The following C4orf54 variants were observed in gnomAD, a reference collection of about 807,000 sequenced individuals.
C4orf54 encodes the protein uncharacterized protein C4orf54.
Under a neutral mutation model 80.1 loss-of-function variants are expected in C4orf54, and 67 were observed. The ratio of observed to expected loss-of-function variants is 0.84; its 90% CI spans 0.69 to 1.03. The LOEUF is 1.03. Among genes scored for constraint, C4orf54 ranks in the 50% least tolerant of loss-of-function variants. C4orf54 has a pLI of 0.00. For missense variants in C4orf54, 2,434 were observed against 2,253.5 expected (o/e 1.08, Z -1.62); for synonymous variants, 1,000 against 917.0 (o/e 1.09, Z -1.64).
Position 99,650,250 on chromosome 4 carries a change from A to G in C4orf54, c.4399T>C (p.Cys1467Arg). The change falls in exon 2 of 3, where the codon TGT becomes CGT. Residue 1467 changes from cysteine (C) to arginine (R), a missense_variant. Physicochemically the swap from Cys to Arg is radical, Grantham distance 180 (BLOSUM62 -3). Transcript: ENST00000511828. ...AGAGGGATGGTCAGGTAATTCTCAC[A>G]GTCACTGTTGCTCTTCTCCAAATTG... ...GSNLEKSNSD[C>R]ENYLTIPLKG... The G allele has an allele frequency of 1.3e-6, 2 of 1,536,038 alleles. No individual in the cohort carries two copies. The highest frequency in any genetic ancestry group is 8.7e-7 in the Non-Finnish European group (1 of 1,146,872).
rs1176567280 is a variant in C4orf54 at position 99,640,742 on chromosome 4, G to A, written c.*491C>T. Reference sequence around the variant, plus strand: ...ACCATCATAGTGAAAACTTAAATACGTATTACAACTCAGCCAGCTAGTCTT... The same window carrying A: ...ACCATCATAGTGAAAACTTAAATACATATTACAACTCAGCCAGCTAGTCTT... On this transcript the variant is annotated 3_prime_UTR_variant, in exon 3 of 3. Transcript: ENST00000511828. The A allele has an allele frequency of 2.0e-5, 3 of 152,078 alleles. No homozygotes were observed. Among genetic ancestry groups the A allele is most frequent in the Admixed American group, 6.6e-5 (1 of 15,254 alleles). 9.4% of individuals were successfully genotyped at this position (152,078 alleles called of 1,614,324 possible). A position where few individuals can be genotyped will look rare whatever the true frequency, so the allele number is the denominator to read the frequency against.
intron 1 of C4orf54, among the ~76,000 whole-genome samples, chr4:99,655,536 C>T (rs576521877): frequency 8.5e-5 from 13 of 152,214 alleles, no homozygotes; most frequent in Non-Finnish European, 1.8e-4. Flanking sequence ...GAGTACAGTG[C>T]GGCTTGGAGG....
intron 2 of C4orf54, among the ~76,000 whole-genome samples, chr4:99,643,792 A>ACACAC (rs61130907): frequency 2.9e-4 from 29 of 98,904 alleles, no homozygotes; most frequent in East Asian, 9.2e-4. Context: ...ACACACACAC[A>ACACAC]CCCCCTCCGC....
Position 99,653,713 on chromosome 4 carries a change from A to G in C4orf54, c.936T>C (p.Ser312=). 6.5e-7 allele frequency: 1 copy of G among 1,528,884 alleles called. No homozygotes were observed. The highest frequency in any genetic ancestry group is 8.7e-7 in the Non-Finnish European group (1 of 1,143,316). The allele number at this position is 1,528,884 out of a possible 1,614,324, so 94.7% of individuals were successfully genotyped here. The change falls in exon 2 of 3, where the codon AGT becomes AGC. Residue 312 remains serine (S), a synonymous_variant. Transcript: ENST00000511828. ...CTCCTCCCACGGCCTGGCAACCTTC[A>G]CTTTCACCACTCTCACTCTCGAAGC... is the stretch of plus-strand genomic sequence containing the variant. ...SLGFESESGE[S]EGCQAVGGEG...
Position 99,650,581 on chromosome 4 carries a change from T to C in C4orf54, c.4068A>G (p.Ala1356=). 4 of 1,536,064 alleles carry C rather than the reference T, an allele frequency of 2.6e-6. No homozygotes were observed. Among genetic ancestry groups the C allele is most frequent in the Non-Finnish European group, 3.5e-6 (4 of 1,146,898 alleles). ...NPSAESVSAR[A]AAFENLARER... is the part of the protein sequence containing the mutation. ...CCCTGGCCAGGTTCTCAAAGGCCGC[T>C]GCCCTGGCAGACACACTCTCAGCGC... Residue 1356 remains alanine (A), a synonymous_variant, in exon 2 of 3, where the codon GCA becomes GCG. Transcript: ENST00000511828.
chr4:99,652,349 C>T lies in C4orf54; in HGVS notation c.2300G>A (p.Gly767Glu). 2 of 1,535,994 alleles carry T rather than the reference C, an allele frequency of 1.3e-6. No homozygotes were observed. Among genetic ancestry groups the T allele is most frequent in the Non-Finnish European group, 1.7e-6 (2 of 1,146,850 alleles). The change falls in exon 2 of 3, where the codon GGG becomes GAG. Residue 767 changes from glycine to glutamate, a missense_variant. Physicochemically the swap from Gly to Glu is moderately conservative, Grantham distance 98 (BLOSUM62 -2). Transcript: ENST00000511828. ...RSESKASSAP[G>E]PGRATKGPGK... ...GGGGCCTTTGGTGGCCCTGCCGGGC[C>T]CAGGGGCCGAGCTGGCTTTGCTCTC... is the stretch of plus-strand genomic sequence containing the variant.
At position 99,650,745 on chromosome 4, in the gene C4orf54, C is replaced by T; in HGVS notation, c.3904G>A (p.Val1302Ile). The change falls in exon 2 of 3, where the codon GTA becomes ATA. Residue 1302 changes from valine (V) to isoleucine (I), a missense_variant. Physicochemically the swap from Val to Ile is conservative, Grantham distance 29. Transcript: ENST00000511828. ...TCGTGGTCTCCATCAGCAACCACTA[C>T]CCCTTCCCTCTCCTCACTGGCAATG... ...SLIASEEREG[V>I]VVADGDHDKL... The T allele has an allele frequency of 5.2e-6, 8 of 1,536,178 alleles. No individual in the cohort carries two copies. Among genetic ancestry groups the T allele is most frequent in the Non-Finnish European group, 6.1e-6 (7 of 1,146,920 alleles).
At position 99,652,053 on chromosome 4, in the gene C4orf54, T is replaced by A; in HGVS notation, c.2596A>T (p.Ser866Cys). The change falls in exon 2 of 3, where the codon AGC (serine) becomes TGC (cysteine). Residue 866 changes from serine to cysteine, a missense_variant. By Grantham distance (112) the Ser-to-Cys change is moderately radical. Coordinates refer to ENST00000511828, the MANE Select transcript of C4orf54 (RefSeq NM_001354435.2). ...RQRERGLQRQ[S>C]SRHSEAGSEY... ...GAGCCGGCCTCGGAGTGACGAGAGC[T>A]CTGCCTCTGCAGGCCCCTCTCTCGC... 1.3e-6 allele frequency: 2 copies of A among 1,536,024 alleles called. No individual in the cohort carries two copies. Among genetic ancestry groups the A allele is most frequent in the Non-Finnish European group, 1.7e-6 (2 of 1,146,874 alleles).
chr4:99,652,788 T>A lies in C4orf54; in HGVS notation c.1861A>T (p.Lys621Ter). 1 of 1,536,108 alleles carries A rather than the reference T, an allele frequency of 6.5e-7. No individual in the cohort carries two copies. Among genetic ancestry groups the A allele is most frequent in the Non-Finnish European group, 8.7e-7 (1 of 1,146,906 alleles). Reference sequence around the variant, plus strand: ...CGGGAGGTCAGGTTACGCACCTCTTTGTCCGCATCGTCCAGTTCGCTCACG... The same window carrying A: ...CGGGAGGTCAGGTTACGCACCTCTTAGTCCGCATCGTCCAGTTCGCTCACG... ...SAVSELDDAD[K>*]EVRNLTSRAF... is the part of the protein sequence containing the mutation. The change falls in exon 2 of 3, where the codon AAA becomes TAA. Residue 621 changes from lysine (K) to a stop codon, truncating the protein, a stop_gained. Coordinates refer to ENST00000511828, the MANE Select transcript of C4orf54 (RefSeq NM_001354435.2). LOFTEE classifies it high-confidence loss of function.
chr4:99,648,230 G>A (rs1726733092), intron 2 of C4orf54, among the ~76,000 whole-genome samples: 1 of 152,070 alleles, frequency 6.6e-6, no homozygotes, highest in Non-Finnish European at 1.5e-5. Flanking sequence ...TCATGTGTTT[G>A]ACCTGAAGTG....
At position 99,649,263 on chromosome 4, in the gene C4orf54, C is replaced by CTCA. The variant is rs1311545322; in HGVS notation, c.*1_*3dup. ...TTTTCATTCCGCTTCCTGGTGGCTG[C>CTCA]TCATCATCTGTGTTCTACCACAAAG... On this transcript the variant is annotated 3_prime_UTR_variant, in exon 2 of 3. Transcript: ENST00000511828. The CTCA allele has an allele frequency of 8.0e-6, 12 of 1,496,898 alleles. No individual in the cohort carries two copies. The highest frequency in any genetic ancestry group is 2.2e-5 in the Admixed American group (1 of 45,620). The allele number at this position is 1,496,898 out of a possible 1,614,324, so 92.7% of individuals were successfully genotyped here.
Position 99,652,661 on chromosome 4 carries a change from G to T in C4orf54, c.1988C>A (p.Thr663Asn), listed in dbSNP as rs1451619149. The change falls in exon 2 of 3, where the codon ACT (threonine) becomes AAT (asparagine). Residue 663 changes from threonine to asparagine, a missense_variant. Physicochemically the swap from Thr to Asn is moderately conservative, Grantham distance 65. Coordinates refer to ENST00000511828, the MANE Select transcript of C4orf54 (RefSeq NM_001354435.2). ...LSEVGFGRWS[T>N]FLDLKCGGVG... ...ACCCCCACATTTTAAGTCCAGGAAA[G>T]TTGACCAGCGCCCAAAGCCCACTTC... 2 of 1,535,986 alleles carry T rather than the reference G, an allele frequency of 1.3e-6. No individual in the cohort carries two copies. Among genetic ancestry groups the T allele is most frequent in the Non-Finnish European group, 1.7e-6 (2 of 1,146,898 alleles).
In C4orf54 at chr4:99,651,683, C is replaced by A. The variant is rs533055688; in HGVS notation, c.2966G>T (p.Arg989Leu). The change falls in exon 2 of 3, where the codon CGC (arginine) becomes CTC (leucine). Residue 989 changes from arginine (R) to leucine (L), a missense_variant. By Grantham distance (102) the Arg-to-Leu change is moderately radical. Coordinates refer to ENST00000511828, the MANE Select transcript of C4orf54 (RefSeq NM_001354435.2). ...CTGCTGGATGTTGGGGACAAAGAGGCGAGACATGATGGTGTTCTTGCTGGC... is the reference window on the plus strand; with the variant it reads ...CTGCTGGATGTTGGGGACAAAGAGGAGAGACATGATGGTGTTCTTGCTGGC... Reference protein sequence around the residue: ...ISASKNTIMSRLFVPNIQQTP... With the variant: ...ISASKNTIMSLLFVPNIQQTP... 258 of 1,535,894 alleles carry A rather than the reference C, an allele frequency of 1.7e-4. 1 individual carries two copies. Among genetic ancestry groups the A allele is most frequent in the Non-Finnish European group, 2.1e-4 (246 of 1,146,902 alleles).
Position 99,651,387 on chromosome 4 carries a change from G to A in C4orf54, c.3262C>T (p.Gln1088Ter). Reference sequence around the variant, plus strand: ...GACTTGTCTCTGATGTCTCTCACCTGGAAATGGGGCACTTTTTCTAGGTTG... The same window carrying A: ...GACTTGTCTCTGATGTCTCTCACCTAGAAATGGGGCACTTTTTCTAGGTTG... ...GDNLEKVPHF[Q>*]VRDIRDKSKA... The change falls in exon 2 of 3, where the codon CAG (glutamine) becomes TAG (stop). Residue 1088 changes from glutamine to a stop codon, truncating the protein, a stop_gained. Coordinates refer to ENST00000511828, the MANE Select transcript of C4orf54 (RefSeq NM_001354435.2). LOFTEE classifies it high-confidence loss of function. 1 of 1,536,210 alleles carries A rather than the reference G, an allele frequency of 6.5e-7. No homozygotes were observed. The highest frequency in any genetic ancestry group is 8.7e-7 in the Non-Finnish European group (1 of 1,146,920).
At position 99,649,797 on chromosome 4, in the gene C4orf54, T is replaced by C; in HGVS notation, c.4852A>G (p.Thr1618Ala). The C allele has an allele frequency of 6.5e-7, 1 of 1,536,212 alleles. No homozygotes were observed. ...TQRKMLLDVT[T>A]GQYYLVDTPV... ...GTGTCCACCAGATAGTACTGGCCTG[T>C]TGTCACATCCAGGAGCATCTTACGC... is the stretch of plus-strand genomic sequence containing the variant. Residue 1618 changes from threonine (T) to alanine (A), a missense_variant, in exon 2 of 3, where the codon ACA (threonine) becomes GCA (alanine). By Grantham distance (58) the Thr-to-Ala change is moderately conservative. Coordinates refer to ENST00000511828, the MANE Select transcript of C4orf54 (RefSeq NM_001354435.2).
chr4:99,651,266 T>C lies in C4orf54; in HGVS notation c.3383A>G (p.Gln1128Arg). The change falls in exon 2 of 3, where the codon CAG (glutamine) becomes CGG (arginine). Residue 1128 changes from glutamine to arginine, a missense_variant. Gln to Arg is a conservative substitution (Grantham distance 43). Coordinates refer to ENST00000511828, the MANE Select transcript of C4orf54 (RefSeq NM_001354435.2). The part of the protein sequence containing the change: ...SSDKGSVTPE[Q>R]GLTGPKPRQL... ...CCTGGGTTTGGGTCCAGTCAGCCCC[T>C]GCTCTGGGGTAACACTGCCCTTGTC... 2.6e-6 allele frequency: 4 copies of C among 1,536,180 alleles called. No homozygotes were observed. The South Asian group carries it at 4.8e-5, about 18-fold the overall frequency.
chr4:99,646,726 C>T (rs1322240106), intron 2 of C4orf54, among the ~76,000 whole-genome samples: 1 of 152,184 alleles, frequency 6.6e-6, no homozygotes, highest in African/African-American at 2.4e-5. Flanking sequence ...GAAAAGAGGA[C>T]ATAAACCTAC....
At position 99,650,747 on chromosome 4, in the gene C4orf54, C is replaced by G; in HGVS notation, c.3902G>C (p.Gly1301Ala). 6.5e-7 allele frequency: 1 copy of G among 1,536,184 alleles called. No homozygotes were observed. The highest frequency in any genetic ancestry group is 2.4e-5 in the East Asian group (1 of 40,912). ...LSLIASEERE[G>A]VVVADGDHDK... Reference sequence around the variant, plus strand: ...GTGGTCTCCATCAGCAACCACTACCCCTTCCCTCTCCTCACTGGCAATGAG... The same window carrying G: ...GTGGTCTCCATCAGCAACCACTACCGCTTCCCTCTCCTCACTGGCAATGAG... The change falls in exon 2 of 3, where the codon GGG becomes GCG. Residue 1301 changes from glycine (G) to alanine (A), a missense_variant. Physicochemically the swap from Gly to Ala is moderately conservative, Grantham distance 60. Coordinates refer to ENST00000511828, the MANE Select transcript of C4orf54 (RefSeq NM_001354435.2).
Position 99,654,358 on chromosome 4 carries a change from A to AGGCACTGCT in C4orf54, c.282_290dup (p.Ala95_Pro97dup). On this transcript the variant is annotated inframe_insertion, in exon 2 of 3. Coordinates refer to ENST00000511828, the MANE Select transcript of C4orf54 (RefSeq NM_001354435.2). ...GTATCTGGACTGGCCCCAAGGCTGT[A>AGGCACTGCT]GGCACTGCTGCCACTGCTGCCACCA... The AGGCACTGCT allele has an allele frequency of 8.3e-7, 1 of 1,203,900 alleles. No individual in the cohort carries two copies. Among genetic ancestry groups the AGGCACTGCT allele is most frequent in the South Asian group, 1.3e-5 (1 of 77,532 alleles). 74.6% of individuals were successfully genotyped at this position (1,203,900 alleles called of 1,614,324 possible).
Sources: allele counts gnomAD v4.1 joint callset (sites outside exome capture counted in the v4.1 genomes callset), GRCh38; gene constraint gnomAD v4.1.1; transcripts MANE v1.5; gene names NCBI Gene and HGNC (gene_info 2026-07-23, HGNC 2026-07-21).